Variants in AOAH observed in about 807,000 individuals in gnomAD.
AOAH encodes the protein acyloxyacyl hydrolase, also known as acyloxyacyl hydrolase (neutrophil).
AOAH carries 64 observed loss-of-function variants against 92.2 expected under a neutral mutation model. The ratio of observed to expected loss-of-function variants is 0.69; its 90% CI spans 0.57 to 0.86. AOAH has a LOEUF of 0.86. Among genes scored for constraint, AOAH ranks in the 40% least tolerant of loss-of-function variants. AOAH has a pLI of 0.00. For missense variants in AOAH, 656 were observed against 694.6 expected (o/e 0.94, Z 0.62); for synonymous variants, 263 against 254.5 (o/e 1.03, Z -0.32).
At chr7:36,717,991 G>GA (rs1463513702) in intron 1 of AOAH, among the ~76,000 whole-genome samples, 1 of 152,068 alleles carries the variant, frequency 6.6e-6, no homozygotes, top group African/African-American at 2.4e-5. Context: ...TTTTGTTCGT[G>GA]AAAGGACACC....
chr7:36,631,472 T>G lies in AOAH; in HGVS notation c.521+564A>C, dbSNP rs181515958. ...ATGTTTTGAACAGCAGTTACCACGA[T>G]GTCTAGCATAACCCCAGACTCAAAG... On this transcript the variant is annotated intron_variant, in intron 6 of 20. Transcript: ENST00000617537. 1.7e-3 allele frequency among the ~76,000 whole-genome samples: 260 copies of G among 152,278 alleles called. 5 individuals carry two copies. The highest frequency in any genetic ancestry group is 4.1e-4 in the Non-Finnish European group (28 of 68,028).
At chr7:36,643,314 G>A (rs1005858332) in intron 4 of AOAH, among the ~76,000 whole-genome samples, 1 of 152,160 alleles carries the variant, frequency 6.6e-6, no homozygotes, top group African/African-American at 2.4e-5. Context: ...CTGAAACACT[G>A]TTTTCCAAGA....
chr7:36,664,808 T>C (rs1353237969), intron 3 of AOAH, among the ~76,000 whole-genome samples: 1 of 152,162 alleles, frequency 6.6e-6, no homozygotes, highest in African/African-American at 2.4e-5. Flanking sequence ...CTCCAGCATC[T>C]CCTTTGAGTG....
intron 19 of AOAH, among the ~76,000 whole-genome samples, chr7:36,526,797 C>T (rs1784416700): frequency 6.6e-6 from 1 of 152,182 alleles, no homozygotes; most frequent in Admixed American, 6.5e-5. Context: ...AACACTTGTT[C>T]ATCAAACACT....
intron 2 of AOAH, among the ~76,000 whole-genome samples, chr7:36,675,355 A>T (rs1796187715): frequency 6.6e-6 from 1 of 152,252 alleles, no homozygotes; most frequent in Non-Finnish European, 1.5e-5. Flanking sequence ...ATTATAATGG[A>T]ATGTTATGAA....
chr7:36,644,135 A>T (rs1260361055), intron 4 of AOAH, among the ~76,000 whole-genome samples: 1 of 152,212 alleles, frequency 6.6e-6, no homozygotes, highest in African/African-American at 2.4e-5. Context: ...ATTAGAAAAC[A>T]GTTTAGAAAG....
chr7:36,612,095 A>G (rs541687757), intron 11 of AOAH, among the ~76,000 whole-genome samples: 2 of 152,250 alleles, frequency 1.3e-5, no homozygotes, highest in African/African-American at 4.8e-5. Context: ...GCTTAAAACA[A>G]ATAGAACAAA....
chr7:36,683,180 T>C (rs946002877), intron 2 of AOAH, among the ~76,000 whole-genome samples: 1 of 152,218 alleles, frequency 6.6e-6, no homozygotes, highest in Non-Finnish European at 1.5e-5. Flanking sequence ...AAAGACATCA[T>C]GTGCCAAGGA....
intron 11 of AOAH, among the ~76,000 whole-genome samples, chr7:36,606,355 G>A (rs564868564): frequency 6.6e-6 from 1 of 152,156 alleles, no homozygotes; most frequent in Non-Finnish European, 1.5e-5. Context: ...GATGGGAGCC[G>A]CTTTGCTCTC....
chr7:36,513,900 G>T (rs570529434), intron 20 of AOAH, among the ~76,000 whole-genome samples: 2 of 152,266 alleles, frequency 1.3e-5, no homozygotes, highest in Admixed American at 6.5e-5. Context: ...TCATAAGTGT[G>T]TATTGTGTTA....
intron 7 of AOAH, among the ~76,000 whole-genome samples, chr7:36,622,116 G>A (rs1353607070): frequency 6.6e-6 from 1 of 152,010 alleles, no homozygotes; most frequent in East Asian, 1.9e-4. Context: ...ATGTATGGGG[G>A]CACGTGTATA....
intron 4 of AOAH, among the ~76,000 whole-genome samples, chr7:36,649,184 C>T (rs1431513129): frequency 2.6e-5 from 4 of 152,136 alleles, no homozygotes; most frequent in Admixed American, 6.5e-5. Context: ...CTGTGCTCTT[C>T]GACATCGTGT....
At position 36,650,968 on chromosome 7, in the gene AOAH, GA is replaced by G. The variant is rs552417087; in HGVS notation, c.390+8197del. 2.4e-3 allele frequency among the ~76,000 whole-genome samples: 373 copies of G among 152,288 alleles called. 5 individuals are homozygous for G. The highest frequency in any genetic ancestry group is 8.6e-3 in the African/African-American group (359 of 41,546). Reference sequence around the variant, plus strand: ...AGAGGGGGTACTTAAACCAGCAGGGGAACAAGGCGCTGGCCATGCAGGGAAC... The same window carrying G: ...AGAGGGGGTACTTAAACCAGCAGGGGACAAGGCGCTGGCCATGCAGGGAAC... On this transcript the variant is annotated intron_variant, in intron 4 of 20. Transcript: ENST00000617537.
intron 3 of AOAH, among the ~76,000 whole-genome samples, chr7:36,669,291 AC>A (rs1795754502): frequency 6.6e-6 from 1 of 152,078 alleles, no homozygotes; most frequent in South Asian, 2.1e-4. Context: ...TTTCTAGGTC[AC>A]ATCCTTTATA....
At chr7:36,689,947 C>G (rs895897561) in intron 1 of AOAH, 1 of 272,672 alleles carries the variant, frequency 3.7e-6, no homozygotes, top group Non-Finnish European at 7.2e-6. Flanking sequence ...GTCTCCATTC[C>G]TATGACCCCA....
At chr7:36,517,985 T>G (rs1186392928) in intron 20 of AOAH, among the ~76,000 whole-genome samples, 2 of 150,462 alleles carry the variant, frequency 1.3e-5, no homozygotes, top group African/African-American at 4.9e-5. Flanking sequence ...ACACACACAC[T>G]GGATTCCTCT....
At chr7:36,603,857 G>T (rs1397416211) in intron 11 of AOAH, among the ~76,000 whole-genome samples, 1 of 152,172 alleles carries the variant, frequency 6.6e-6, no homozygotes, top group Non-Finnish European at 1.5e-5. Context: ...TAATAGCAGA[G>T]TCATTTCAGT....
intron 5 of AOAH, among the ~76,000 whole-genome samples, chr7:36,634,050 C>G (rs574718506): frequency 6.6e-6 from 1 of 152,240 alleles, no homozygotes; most frequent in East Asian, 1.9e-4. Context: ...TGATGGGAAA[C>G]AGGGCGGAGG....
chr7:36,659,790 G>A (rs1795104345), intron 3 of AOAH, among the ~76,000 whole-genome samples: 1 of 130,430 alleles, frequency 7.7e-6, no homozygotes, highest in South Asian at 2.3e-4. Context: ...AGAGGTCAGA[G>A]TTTTGTCAGG....
Sources: allele counts gnomAD v4.1 joint callset (sites outside exome capture counted in the v4.1 genomes callset), GRCh38; gene constraint gnomAD v4.1.1; transcripts MANE v1.5; gene names NCBI Gene and HGNC (gene_info 2026-07-23, HGNC 2026-07-21).